The following MRTFA variants were observed in gnomAD, a reference collection of about 807,000 sequenced individuals.
MRTFA encodes myocardin-related transcription factor A.
In MRTFA, 20 loss-of-function variants were observed where a neutral mutation model predicts 83.5. The ratio of observed to expected loss-of-function variants is 0.24; its 90% CI spans 0.17 to 0.35. MRTFA has a LOEUF of 0.35. MRTFA is among the 10% of genes least tolerant of loss of function. The pLI is 1.00. For synonymous variants in MRTFA, 659 were observed against 541.2 expected (o/e 1.22, Z -3.02); for missense variants, 1,200 against 1,224.7 (o/e 0.98, Z 0.30).
intron 2 of MRTFA, among the ~76,000 whole-genome samples, chr22:40,593,325 A>C (rs1341945367): frequency 2.0e-5 from 3 of 152,250 alleles, no homozygotes; most frequent in African/African-American, 7.2e-5. Context: ...CTAGACTTGA[A>C]AAGCTGTAAT....
intron 3 of MRTFA, among the ~76,000 whole-genome samples, chr22:40,468,679 C>T (rs1049050475): frequency 6.6e-6 from 1 of 152,172 alleles, no homozygotes; most frequent in Non-Finnish European, 1.5e-5. Context: ...AAAGGAAATG[C>T]CCCTGGACTA....
intron 1 of MRTFA, among the ~76,000 whole-genome samples, chr22:40,608,856 A>G (rs2056350731): frequency 6.6e-6 from 1 of 152,236 alleles, no homozygotes; most frequent in South Asian, 2.1e-4. Context: ...CCACAGGGGC[A>G]GCACTATGTT....
rs996168200 is a variant in MRTFA, at chr22:40,483,712, A to T, written c.242-20426T>A. On this transcript the variant is annotated intron_variant, in intron 3 of 14. Coordinates refer to ENST00000355630, the MANE Select transcript of MRTFA (RefSeq NM_020831.6). ...AAAAAAAAAAAATTAAAATTAAAAT[A>T]AAAAGATAGGTCTCATTCTGTCGCC... is the stretch of plus-strand genomic sequence containing the variant. Among the ~76,000 whole-genome samples, 10 of 151,974 alleles carry T rather than the reference A, an allele frequency of 6.6e-5. No homozygotes were observed. In the East Asian group the frequency reaches 7.8e-4, roughly 12 times the overall value.
chr22:40,550,210 C>T (rs755101919), intron 3 of MRTFA, among the ~76,000 whole-genome samples: 5 of 149,862 alleles, frequency 3.3e-5, no homozygotes, highest in African/African-American at 7.4e-5. Flanking sequence ...TTCTACTTTA[C>T]GTTTAAATTT....
Position 40,420,307 on chromosome 22 carries a change from T to C in MRTFA, c.1353+98A>G, listed in dbSNP as rs920617419. 42 of 1,413,320 alleles carry C rather than the reference T, an allele frequency of 3.0e-5. 1 individual carries two copies. In the South Asian group the frequency reaches 5.1e-4, roughly 17 times the overall value. 87.5% of individuals were successfully genotyped at this position (1,413,320 alleles called of 1,614,324 possible). A position where few individuals can be genotyped will look rare whatever the true frequency, so the allele number is the denominator to read the frequency against. On this transcript the variant is annotated intron_variant, in intron 11 of 14. Coordinates refer to ENST00000355630, the MANE Select transcript of MRTFA (RefSeq NM_020831.6). ...CTCTGCTTTCCATGACGGTGGGTCC[T>C]AGGCTGGCTGCCTTCCCTGCCTAAA...
intron 3 of MRTFA, among the ~76,000 whole-genome samples, chr22:40,516,229 G>A (rs2054755651): frequency 6.6e-6 from 1 of 151,808 alleles, no homozygotes; most frequent in Admixed American, 6.6e-5. Flanking sequence ...GGCCAGCCTG[G>A]GCAACATGGC....
intron 3 of MRTFA, among the ~76,000 whole-genome samples, chr22:40,500,298 C>A (rs1190508364): frequency 6.7e-6 from 1 of 149,334 alleles, no homozygotes; most frequent in African/African-American, 2.5e-5. Flanking sequence ...GAAATAATAA[C>A]ATACTTTCAT....
intron 3 of MRTFA, among the ~76,000 whole-genome samples, chr22:40,515,897 C>A (rs955502890): frequency 6.6e-6 from 1 of 152,146 alleles, no homozygotes; most frequent in East Asian, 1.9e-4. Context: ...ACATCTAGCA[C>A]GTGACAAATT....
intron 3 of MRTFA, among the ~76,000 whole-genome samples, chr22:40,469,544 T>C (rs999308443): frequency 6.6e-6 from 1 of 152,178 alleles, no homozygotes; most frequent in East Asian, 1.9e-4. Context: ...ACCAGCCTCA[T>C]GTACCCCTTT....
intron 3 of MRTFA, among the ~76,000 whole-genome samples, chr22:40,499,772 A>C (rs1325172264): frequency 6.6e-6 from 1 of 152,154 alleles, no homozygotes; most frequent in Non-Finnish European, 1.5e-5. Flanking sequence ...CTTCTCTGTG[A>C]CCTGACACCT....
intron 2 of MRTFA, among the ~76,000 whole-genome samples, chr22:40,590,978 A>G (rs1460950981): frequency 6.6e-6 from 1 of 152,062 alleles, no homozygotes; most frequent in East Asian, 2.0e-4. Flanking sequence ...CCAAAAAAAT[A>G]CAAAAAATTA....
intron 3 of MRTFA, among the ~76,000 whole-genome samples, chr22:40,518,952 T>C (rs1010867946): frequency 6.6e-6 from 1 of 151,836 alleles, no homozygotes; most frequent in African/African-American, 2.4e-5. Context: ...ATATGTCTCT[T>C]TTATGTTTTC....
chr22:40,502,140 G>A (rs1460128559), intron 3 of MRTFA, among the ~76,000 whole-genome samples: 89 of 140,266 alleles, frequency 6.3e-4, no homozygotes, highest in Non-Finnish European at 1.2e-3. Context: ...CGGACGGGGC[G>A]GCTGGCCGGG....
At position 40,418,975 on chromosome 22, in the gene MRTFA, G is replaced by T; in HGVS notation, c.1763C>A (p.Thr588Asn). 6.2e-7 allele frequency: 1 copy of T among 1,612,860 alleles called. No homozygotes were observed. The highest frequency in any genetic ancestry group is 8.5e-7 in the Non-Finnish European group (1 of 1,179,938). The change falls in exon 12 of 15, where the codon ACC becomes AAC. Residue 588 changes from threonine (T) to asparagine (N), a missense_variant. Thr to Asn is a moderately conservative substitution (Grantham distance 65). Transcript: ENST00000355630. Reference sequence around the variant, plus strand: ...GATCTGCAGTGGCGAGGCCTGCAGGGTCAGCTGCGTCAGAGGTGATGTCAC... The same window carrying T: ...GATCTGCAGTGGCGAGGCCTGCAGGTTCAGCTGCGTCAGAGGTGATGTCAC...
At chr22:40,612,021 G>A (rs1442829113) in intron 1 of MRTFA, among the ~76,000 whole-genome samples, 1 of 152,190 alleles carries the variant, frequency 6.6e-6, no homozygotes, top group Non-Finnish European at 1.5e-5. Context: ...AGATAGCAGA[G>A]TACAAAGGCA....
Position 40,411,702 on chromosome 22 carries a change from G to C in MRTFA, c.2784C>G (p.Thr928=), listed in dbSNP as rs769098647. Reference sequence around the variant, plus strand: ...GGGGCTCTGGCCCGTCATGCCCACTGGTCAGCAGGGGCAGCCCCGTGCTGC... The same window carrying C: ...GGGGCTCTGGCCCGTCATGCCCACTCGTCAGCAGGGGCAGCCCCGTGCTGC... Residue 928 remains threonine (T), a synonymous_variant, in exon 15 of 15, where the codon ACC becomes ACG. Coordinates refer to ENST00000355630, the MANE Select transcript of MRTFA (RefSeq NM_020831.6). 27 of 1,587,694 alleles carry C rather than the reference G, an allele frequency of 1.7e-5. No homozygotes were observed. In the East Asian group the frequency reaches 5.8e-4, roughly 34 times the overall value.
intron 4 of MRTFA, among the ~76,000 whole-genome samples, chr22:40,459,176 C>A (rs1602276959): frequency 7.9e-6 from 1 of 126,558 alleles, no homozygotes; most frequent in Non-Finnish European, 1.6e-5. Flanking sequence ...TTGGAGATTA[C>A]AAAAGGAGTC....
intron 2 of MRTFA, 129 bp from the exon 3 acceptor site, chr22:40,552,496 G>A: frequency 2.6e-6 from 1 of 382,964 alleles, no homozygotes; most frequent in Non-Finnish European, 4.6e-6. Context: ...GGGACTTGGT[G>A]GCAGGTAACT....
intron 1 of MRTFA, among the ~76,000 whole-genome samples, chr22:40,602,160 T>C (rs1602483376): frequency 6.6e-6 from 1 of 152,162 alleles, no homozygotes; most frequent in Admixed American, 6.5e-5. Context: ...TATCACAATC[T>C]AGGTCAAGGT....
Sources: gnomAD v4.1 joint callset for allele counts (sites outside exome capture counted in the v4.1 genomes callset) on GRCh38, gnomAD v4.1.1 for gene constraint, MANE v1.5 for transcripts, NCBI Gene and HGNC (gene_info 2026-07-23, HGNC 2026-07-21) for gene names.